Variants in MCUB observed in about 807,000 individuals in gnomAD.
MCUB encodes calcium uniporter regulatory subunit MCUb, mitochondrial.
In MCUB, 46 loss-of-function variants were observed where a neutral mutation model predicts 41.4. That is an observed-to-expected ratio of 1.11 (90% CI 0.88 to 1.42). The LOEUF (loss-of-function observed/expected upper bound fraction) is 1.42. MCUB is among the 40% of genes most tolerant of loss of function. The probability of loss-of-function intolerance (pLI) is 0.00; values close to 1 mark genes in which losing one functional copy is unlikely to be tolerated. For synonymous variants in MCUB, 148 were observed against 148.2 expected, an observed-to-expected ratio of 1.00 and a Z score of 0.01; for missense variants, 403 against 404.9, an observed-to-expected ratio of 1.00 and a Z score of 0.04.
intron 4 of MCUB, among the ~76,000 whole-genome samples, chr4:109,681,137 G>A (rs1037315075): frequency 1.3e-5 from 2 of 152,322 alleles, no homozygotes; most frequent in African/African-American, 4.8e-5. Context: ...GTTTATTAAT[G>A]TGTATATTCC....
At position 109,662,817 on chromosome 4, in the gene MCUB, A is replaced by AT. The variant is rs200110216; in HGVS notation, c.347-1463dup. Among the ~76,000 whole-genome samples, 1,217 of 150,314 alleles carry AT rather than the reference A, an allele frequency of 8.1e-3. 12 individuals carry two copies. The highest frequency in any genetic ancestry group is 8.9e-3 in the Admixed American group (134 of 15,084). The stretch of plus-strand genomic sequence containing the variant: ...AGATAAAGCGATTGGTGTGTTGCTG[A>AT]TTTTTTTTTTCTTCTTTTTAAAAGA... On this transcript the variant is annotated intron_variant, in intron 3 of 7. Transcript: ENST00000394650.
At chr4:109,619,471 G>C (rs1728205991) in intron 1 of MCUB, among the ~76,000 whole-genome samples, 1 of 152,172 alleles carries the variant, frequency 6.6e-6, no homozygotes, top group African/African-American at 2.4e-5. Flanking sequence ...ACTTTGGGAG[G>C]TTGAGGCAGG....
rs942028609 is a variant in MCUB, at chr4:109,687,743, T to G, written c.*151T>G. On this transcript the variant is annotated 3_prime_UTR_variant, in exon 8 of 8. Transcript: ENST00000394650. ...TATTGTTTGAAGTTCTCAACTGAGA[T>G]TTTTACTTTTTGGATTTTTATGACT... 8.2e-6 allele frequency: 5 copies of G among 606,506 alleles called. No homozygotes were observed. The Admixed American group carries it at 1.6e-4, about 19-fold the overall frequency. The allele number at this position is 606,506 out of a possible 1,614,324, so 37.6% of individuals were successfully genotyped here.
intron 1 of MCUB, among the ~76,000 whole-genome samples, chr4:109,568,862 T>C (rs1009797873): frequency 4.6e-5 from 7 of 152,282 alleles, no homozygotes; most frequent in South Asian, 2.1e-4. Context: ...AAGAACAAAA[T>C]AGTATATAAA....
chr4:109,679,376 G>A (rs147075955), intron 4 of MCUB, among the ~76,000 whole-genome samples: 5,684 of 152,270 alleles, frequency 0.037, 377 homozygotes, highest in African/African-American at 0.13. Context: ...CTGAGTGAGC[G>A]AGACTCCGTC....
intron 1 of MCUB, among the ~76,000 whole-genome samples, chr4:109,615,844 G>A (rs1728115402): frequency 6.6e-6 from 1 of 152,180 alleles, no homozygotes; most frequent in Non-Finnish European, 1.5e-5. Context: ...TCTTCCAAGT[G>A]CACATCTGAG....
chr4:109,590,852 T>C (rs373918355), intron 1 of MCUB, among the ~76,000 whole-genome samples: 5 of 152,350 alleles, frequency 3.3e-5, no homozygotes, highest in Non-Finnish European at 5.9e-5. Context: ...GGCTATTCAC[T>C]GGTGAGACAT....
chr4:109,685,066 A>G (rs1729806479), intron 6 of MCUB, 185 bp from the exon 7 acceptor site: 1 of 461,084 alleles, frequency 2.2e-6, no homozygotes. Flanking sequence ...TGAAAGGAGC[A>G]GCAGATCTTA....
chr4:109,568,111 A>G (rs1318081791), intron 1 of MCUB, among the ~76,000 whole-genome samples: 1 of 152,172 alleles, frequency 6.6e-6, no homozygotes, highest in South Asian at 2.1e-4. Flanking sequence ...TTGCAAAGAG[A>G]CATCATTGGC....
At chr4:109,597,920 T>A (rs1164258384) in intron 1 of MCUB, among the ~76,000 whole-genome samples, 1 of 135,246 alleles carries the variant, frequency 7.4e-6, no homozygotes, top group African/African-American at 2.9e-5. Flanking sequence ...CCAGACGGGG[T>A]CGCGGCCGGG....
At chr4:109,657,338 T>A (rs2126143933) in intron 1 of MCUB, among the ~76,000 whole-genome samples, 1 of 152,342 alleles carries the variant, frequency 6.6e-6, no homozygotes. Context: ...TTTGAATGTT[T>A]TGTTTTACTT....
rs548399790 is a variant in MCUB, at chr4:109,645,016, G to A, written c.100-13995G>A. 3.9e-5 allele frequency among the ~76,000 whole-genome samples: 6 copies of A among 152,200 alleles called. No homozygotes were observed. In the East Asian group the frequency reaches 1.2e-3, roughly 29 times the overall value. ...CACTTCGGCATTCCTGGAGCAACAAGCCTCCCCCTTTATACTCACTCCCAC... is the reference window on the plus strand; with the variant it reads ...CACTTCGGCATTCCTGGAGCAACAAACCTCCCCCTTTATACTCACTCCCAC... On this transcript the variant is annotated intron_variant, in intron 1 of 7. Transcript: ENST00000394650.
chr4:109,593,167 G>T (rs1033244216), intron 1 of MCUB, among the ~76,000 whole-genome samples: 1 of 152,218 alleles, frequency 6.6e-6, no homozygotes. Flanking sequence ...GTAGTGAAAA[G>T]GGGCAGTTAG....
intron 1 of MCUB, among the ~76,000 whole-genome samples, chr4:109,647,403 C>T (rs1174125188): frequency 6.6e-6 from 1 of 152,182 alleles, no homozygotes; most frequent in Non-Finnish European, 1.5e-5. Context: ...GTTCTGCCTT[C>T]TGCAAAATGT....
In MCUB at chr4:109,660,174, TTTTC is replaced by T. The variant is rs760378581; in HGVS notation, c.176-17_176-14del. The stretch of plus-strand genomic sequence containing the variant: ...TTTAAAGTAAAATTTACTCATTTTT[TTTTC>T]TTTTTTTCCTTAACAGAAATAACAG... On this transcript the variant is annotated splice_polypyrimidine_tract_variant and intron_variant, in intron 2 of 7. Transcript: ENST00000394650. 72 of 1,250,544 alleles carry T rather than the reference TTTTC, an allele frequency of 5.8e-5. 1 individual carries two copies. The Middle Eastern group carries it at 1.9e-3, about 33-fold the overall frequency. 77.5% of individuals were successfully genotyped at this position (1,250,544 alleles called of 1,614,324 possible). A position where few individuals can be genotyped will look rare whatever the true frequency, so the allele number is the denominator to read the frequency against.
At chr4:109,652,133 A>G (rs1728974730) in intron 1 of MCUB, among the ~76,000 whole-genome samples, 1 of 152,286 alleles carries the variant, frequency 6.6e-6, no homozygotes. Flanking sequence ...CCAAATCACC[A>G]CTTCTTGTAA....
At chr4:109,659,786 A>G (rs1406348475) in intron 2 of MCUB, among the ~76,000 whole-genome samples, 2 of 152,152 alleles carry the variant, frequency 1.3e-5, no homozygotes, top group African/African-American at 4.8e-5. Flanking sequence ...CCTCTTAAGT[A>G]GCTGCAACTA....
In MCUB at chr4:109,650,439, A is replaced by G. The variant is rs117866185; in HGVS notation, c.100-8572A>G. Among the ~76,000 whole-genome samples, 156 of 152,302 alleles carry G rather than the reference A, an allele frequency of 1.0e-3. No homozygotes were observed. The East Asian group carries it at 0.027, about 27-fold the overall frequency. ...TTAATCACTTATCTTTGTATATGGT[A>G]ATTTTGGTGTTGTAAACCTATTGTT... On this transcript the variant is annotated intron_variant, in intron 1 of 7. Coordinates refer to ENST00000394650, the MANE Select transcript of MCUB (RefSeq NM_017918.5).
At chr4:109,568,048 T>A (rs1726822907) in intron 1 of MCUB, among the ~76,000 whole-genome samples, 1 of 151,832 alleles carries the variant, frequency 6.6e-6, no homozygotes, top group Admixed American at 6.6e-5. Context: ...TTCTAGAGAC[T>A]GACTGTAATG....
Sources: allele counts gnomAD v4.1 joint callset (sites outside exome capture counted in the v4.1 genomes callset), GRCh38; gene constraint gnomAD v4.1.1; transcripts MANE v1.5; gene names NCBI Gene and HGNC (gene_info 2026-07-23, HGNC 2026-07-21).